The following NEK5 variants were observed in gnomAD, a reference collection of about 807,000 sequenced individuals.
NEK5 encodes serine/threonine-protein kinase Nek5.
NEK5 carries 88 observed loss-of-function variants against 109.2 expected under a neutral mutation model. The observed-to-expected ratio is 0.81, with a 90% CI of 0.68 to 0.96. The LOEUF (loss-of-function observed/expected upper bound fraction) is 0.96, where lower values mean the gene tolerates loss of function less well. Ranked by LOEUF, NEK5 falls within the 40% of genes least tolerant of loss-of-function variation. The probability of loss-of-function intolerance (pLI) is 0.00; values close to 1 mark genes in which losing one functional copy is unlikely to be tolerated. For missense variants in NEK5, 834 were observed against 920.7 expected (o/e 0.91, Z 1.22); for synonymous variants, 283 against 299.9 (o/e 0.94, Z 0.58).
intron 12 of NEK5, among the ~76,000 whole-genome samples, chr13:52,099,542 C>T (rs569425856): frequency 1.3e-5 from 2 of 152,228 alleles, no homozygotes; most frequent in East Asian, 1.9e-4. Context: ...TAGTGGCACA[C>T]GTCTGTAGTC....
intron 20 of NEK5, among the ~76,000 whole-genome samples, chr13:52,067,683 T>A (rs913932144): frequency 6.7e-6 from 1 of 149,924 alleles, no homozygotes; most frequent in Non-Finnish European, 1.5e-5. Flanking sequence ...GTCATTTTTT[T>A]TTTTTTTTTT....
At chr13:52,086,216 A>G (rs997322084) in intron 16 of NEK5, 61 bp downstream of exon 16, 2 of 1,010,892 alleles carry the variant, frequency 2.0e-6, no homozygotes, top group Admixed American at 3.6e-5. Context: ...TTTTAATACC[A>G]GCTCAATTTA....
chr13:52,040,081 CTT>C (rs59617490), intron 23 of NEK5, among the ~76,000 whole-genome samples: 47,274 of 119,676 alleles, frequency 0.4, 8,708 homozygotes, highest in Middle Eastern at 0.51. Flanking sequence ...TCTACTGGCA[CTT>C]TTTTTTTTTT....
chr13:52,068,466 TACACACAC>T (rs5803591), intron 20 of NEK5, among the ~76,000 whole-genome samples: 32 of 148,240 alleles, frequency 2.2e-4, no homozygotes, highest in South Asian at 1.9e-3. Flanking sequence ...AATACACAAA[TACACACAC>T]ACACACACAC....
At chr13:52,070,642 T>C (rs1028271104) in intron 20 of NEK5, among the ~76,000 whole-genome samples, 2 of 152,250 alleles carry the variant, frequency 1.3e-5, no homozygotes, top group East Asian at 3.8e-4. Flanking sequence ...CCCAGCCATG[T>C]GGAACTGTAA....
At chr13:52,124,521 A>G (rs1209775895) in intron 3 of NEK5, among the ~76,000 whole-genome samples, 1 of 152,206 alleles carries the variant, frequency 6.6e-6, no homozygotes, top group African/African-American at 2.4e-5. Flanking sequence ...AGTTTTTTAT[A>G]AATTACTTAA....
At chr13:52,109,762 T>C (rs920203399) in intron 7 of NEK5, among the ~76,000 whole-genome samples, 8 of 152,284 alleles carry the variant, frequency 5.3e-5, no homozygotes, top group Admixed American at 2.0e-4. Flanking sequence ...TTTCAATCAA[T>C]TGCCAATCAG....
chr13:52,041,959 A>T (rs934175505), intron 23 of NEK5, among the ~76,000 whole-genome samples: 3 of 152,076 alleles, frequency 2.0e-5, no homozygotes, highest in African/African-American at 7.2e-5. Flanking sequence ...AGGATAAAAG[A>T]CATTTTTAGA....
chr13:52,103,034 T>C (rs1955573660), intron 9 of NEK5, among the ~76,000 whole-genome samples: 1 of 152,206 alleles, frequency 6.6e-6, no homozygotes. Context: ...ATAAACATCG[T>C]TTAATTTCCT....
chr13:52,072,165 G>T, intron 19 of NEK5, 95 bp from the exon 20 acceptor site: 1 of 866,496 alleles, frequency 1.2e-6, no homozygotes, highest in Non-Finnish European at 1.8e-6. Context: ...TAATTAGCAA[G>T]GTATATAGTA....
At chr13:52,046,067 T>A in intron 23 of NEK5, among the ~76,000 whole-genome samples, 2 of 130,824 alleles carry the variant, frequency 1.5e-5, no homozygotes, top group African/African-American at 2.9e-5. Context: ...CGAGACTCCA[T>A]CTCAAAAAAA....
Position 52,102,069 on chromosome 13 carries a change from C to T in NEK5, c.810+23G>A, listed in dbSNP as rs761800827. The T allele has an allele frequency of 5.0e-6, 8 of 1,611,928 alleles. No homozygotes were observed. In the African/African-American group the frequency reaches 1.1e-4, roughly 22 times the overall value. The stretch of plus-strand genomic sequence containing the variant: ...GCAACCCAAAATCTCTGCCAAAATC[C>T]AAACAGTCACCTCAAAACTTACCTC... On this transcript the variant is annotated intron_variant, in intron 10 of 23. Coordinates refer to ENST00000684899, the MANE Select transcript of NEK5 (RefSeq NM_001365552.1).
chr13:52,109,184 A>C (rs1955710818), intron 7 of NEK5, among the ~76,000 whole-genome samples: 1 of 152,152 alleles, frequency 6.6e-6, no homozygotes, highest in Non-Finnish European at 1.5e-5. Context: ...CCCCCCAACC[A>C]ACTCATAAAC....
At chr13:52,096,807 AT>A (rs1158266143) in intron 12 of NEK5, among the ~76,000 whole-genome samples, 1 of 152,208 alleles carries the variant, frequency 6.6e-6, no homozygotes, top group African/African-American at 2.4e-5. Context: ...GAGGAGTCAA[AT>A]GTTGTTAGCC....
At chr13:52,071,699 GC>G (rs1954786511) in intron 20 of NEK5, among the ~76,000 whole-genome samples, 1 of 152,168 alleles carries the variant, frequency 6.6e-6, no homozygotes, top group Admixed American at 6.5e-5. Context: ...TAAGTCTGGA[GC>G]TCCTGGGAGA....
At chr13:52,109,346 C>T (rs891242226) in intron 7 of NEK5, among the ~76,000 whole-genome samples, 9 of 152,306 alleles carry the variant, frequency 5.9e-5, no homozygotes, top group African/African-American at 2.2e-4. Context: ...GACCTTAAGA[C>T]TGACAAAGCA....
At chr13:52,048,110 T>C (rs887419446) in intron 23 of NEK5, among the ~76,000 whole-genome samples, 5 of 152,180 alleles carry the variant, frequency 3.3e-5, no homozygotes, top group Admixed American at 6.5e-5. Flanking sequence ...ATATGGTATA[T>C]AGTTTTAAAT....
intron 22 of NEK5, among the ~76,000 whole-genome samples, chr13:52,054,888 G>A (rs1954540070): frequency 6.6e-6 from 1 of 152,240 alleles, no homozygotes; most frequent in African/African-American, 2.4e-5. Context: ...AAAAAGCAGA[G>A]CACCTCTCCT....
intron 18 of NEK5, 61 bp from the exon 19 acceptor site, chr13:52,075,887 A>C (rs1954858940): frequency 8.7e-7 from 1 of 1,146,372 alleles, no homozygotes; most frequent in Non-Finnish European, 1.2e-6. Flanking sequence ...TAAAATTACA[A>C]CTCCCTAGGT....
Sources: allele counts gnomAD v4.1 joint callset (sites outside exome capture counted in the v4.1 genomes callset), GRCh38; gene constraint gnomAD v4.1.1; transcripts MANE v1.5; gene names NCBI Gene and HGNC (gene_info 2026-07-23, HGNC 2026-07-21).